The following OGFOD2 variants were observed in gnomAD, a reference collection of about 807,000 sequenced individuals.
The protein encoded by OGFOD2 is 2-oxoglutarate and iron dependent oxygenase domain containing 2.
OGFOD2 carries 34 observed loss-of-function variants against 31.1 expected under a neutral mutation model. The observed-to-expected ratio is 1.09, with a 90% confidence interval of 0.83 to 1.45. The LOEUF (loss-of-function observed/expected upper bound fraction) is 1.45, where lower values mean the gene tolerates loss of function less well. OGFOD2 is among the 40% of genes most tolerant of loss of function. The pLI, the probability that OGFOD2 is intolerant of heterozygous loss-of-function variation, is 0.00. For missense variants in OGFOD2, 537 were observed against 433.9 expected (o/e 1.24, Z -2.11); for synonymous variants, 240 against 192.3 (o/e 1.25, Z -2.05).
exon 4 of OGFOD2, chr12:122,976,917 T>C: frequency 1.2e-6 from 2 of 1,613,534 alleles, no homozygotes; most frequent in Non-Finnish European, 1.7e-6. Flanking sequence ...GAGTACAGCG[T>C]GTCCCCAGAC....
chr12:122,978,382 G>A, intron 4 of OGFOD2, 60 bp from the exon 5 acceptor site: 2 of 1,599,020 alleles, frequency 1.3e-6, no homozygotes, highest in South Asian at 1.1e-5. Context: ...GAAGACTGAA[G>A]CCCAGGCCTG....
rs948841252 is a variant in OGFOD2 at position 122,977,444 on chromosome 12, C to T, written c.403+474C>T. On this transcript the variant is annotated intron_variant, in intron 4 of 6. Transcript: ENST00000228922. ...AAACTCCAAGTAGGGCAAAAAATGCCCCACTTCTCTTCGGATTTCTTGCTG... is the reference window on the plus strand; with the variant it reads ...AAACTCCAAGTAGGGCAAAAAATGCTCCACTTCTCTTCGGATTTCTTGCTG... 3.4e-5 allele frequency: 7 copies of T among 208,808 alleles called. No individual in the cohort carries two copies. In the East Asian group the frequency reaches 3.9e-4, roughly 12 times the overall value. 12.9% of individuals were successfully genotyped at this position (208,808 alleles called of 1,614,324 possible). A position where few individuals can be genotyped will look rare whatever the true frequency, so the allele number is the denominator to read the frequency against.
chr12:122,978,269 G>T, intron 4 of OGFOD2, 173 bp from the exon 5 acceptor site: 1 of 723,452 alleles, frequency 1.4e-6, no homozygotes, highest in South Asian at 1.8e-5. Flanking sequence ...TAAGTGGGGG[G>T]CATGGGAATC....
At chr12:122,978,319 C>G (rs1167565659) in intron 4 of OGFOD2, 123 bp from the exon 5 acceptor site, 10 of 1,244,136 alleles carry the variant, frequency 8.0e-6, no homozygotes, top group Non-Finnish European at 7.8e-6. Context: ...TAAGTCATCA[C>G]AATAGCCCTG....
chr12:122,975,602 A>C (rs2037395214), intron 1 of OGFOD2: 1 of 599,864 alleles, frequency 1.7e-6, no homozygotes, highest in Admixed American at 2.8e-5. Flanking sequence ...TAGGGTGCTT[A>C]GGACAGGGCC....
intron 5 of OGFOD2, 79 bp downstream of exon 5, chr12:122,978,648 G>A (rs559745310): frequency 1.3e-6 from 2 of 1,590,436 alleles, no homozygotes; most frequent in South Asian, 1.1e-5. Context: ...CAGATGGGCT[G>A]CCTGCCCGGG....
intron 4 of OGFOD2, 154 bp downstream of exon 4, chr12:122,977,124 C>T: frequency 1.4e-6 from 1 of 710,240 alleles, no homozygotes; most frequent in East Asian, 2.7e-5. Flanking sequence ...CTGCCAGGAG[C>T]AGGACATCCG....
At chr12:122,979,449 C>G (rs1282957450) in exon 7 of OGFOD2, 1 of 1,368,262 alleles carries the variant, frequency 7.3e-7, no homozygotes, top group Non-Finnish European at 9.7e-7. Flanking sequence ...CTTCTTGGCT[C>G]AACGGTGTGC....
intron 4 of OGFOD2, chr12:122,977,522 G>A (rs564160867): frequency 4.5e-5 from 9 of 199,838 alleles, no homozygotes; most frequent in South Asian, 3.1e-4. Flanking sequence ...GGAGGTTTGC[G>A]TGTTGTTTAA....
At chr12:122,977,194 C>G (rs1484556470) in intron 4 of OGFOD2, 1 of 581,520 alleles carries the variant, frequency 1.7e-6, no homozygotes, top group Non-Finnish European at 3.2e-6. Flanking sequence ...TTCACCCTTC[C>G]TTCGTGCCCT....
chr12:122,977,152 C>G (rs1302178566), intron 4 of OGFOD2, 182 bp downstream of exon 4: 1 of 667,756 alleles, frequency 1.5e-6, no homozygotes, highest in Non-Finnish European at 2.7e-6. Context: ...TCATTCAATA[C>G]CTGCCATGAG....
exon 6 of OGFOD2, chr12:122,978,956 G>C: frequency 6.2e-7 from 1 of 1,613,322 alleles, no homozygotes; most frequent in Non-Finnish European, 8.5e-7. Flanking sequence ...CCCTCAATGT[G>C]GCCTTGGGCA....
intron 4 of OGFOD2, 200 bp from the exon 5 acceptor site, chr12:122,978,242 G>A: frequency 1.7e-6 from 1 of 601,418 alleles, no homozygotes; most frequent in Non-Finnish European, 2.8e-6. Flanking sequence ...GTAGAGTCTG[G>A]GGAAAGGTTC....
Position 122,976,772 on chromosome 12 carries a change from C to T in OGFOD2, c.303+5C>T. The T allele has an allele frequency of 1.9e-6, 3 of 1,610,202 alleles. No individual in the cohort carries two copies. Among genetic ancestry groups the T allele is most frequent in the Non-Finnish European group, 2.5e-6 (3 of 1,176,974 alleles). On this transcript the variant is annotated splice_donor_5th_base_variant and intron_variant, in intron 3 of 6. Transcript: ENST00000228922. ...GAGGTCTACGACTCACTGCAGGTAC[C>T]AGCCAGCCAGAGTGCTTGAAGGCCG... is the stretch of plus-strand genomic sequence containing the variant.
At chr12:122,978,962 G>A in exon 6 of OGFOD2, 2 of 1,613,260 alleles carry the variant, frequency 1.2e-6, no homozygotes, top group African/African-American at 1.3e-5. Flanking sequence ...ATGTGGCCTT[G>A]GGCAAGGTCT....
At chr12:122,978,314 C>T in intron 4 of OGFOD2, 128 bp from the exon 5 acceptor site, 1 of 1,177,060 alleles carries the variant, frequency 8.5e-7, no homozygotes. Context: ...TTCCTTAAGT[C>T]ATCACAATAG....
At chr12:122,976,416 T>C in intron 2 of OGFOD2, 1 of 1,613,258 alleles carries the variant, frequency 6.2e-7, no homozygotes, top group Non-Finnish European at 8.5e-7. Flanking sequence ...ATCTAGGGGT[T>C]CTCATCCCAG....
At chr12:122,977,577 C>T (rs777243866) in intron 4 of OGFOD2, 1 of 185,162 alleles carries the variant, frequency 5.4e-6, no homozygotes, top group African/African-American at 2.4e-5. Flanking sequence ...GCAACAGTAA[C>T]CCCCTCTCTT....
chr12:122,976,004 C>A (rs1431369917), intron 2 of OGFOD2, 137 bp downstream of exon 2: 7 of 640,188 alleles, frequency 1.1e-5, no homozygotes, highest in Admixed American at 4.4e-5. Flanking sequence ...TCCTGCCCCC[C>A]ACTCATCCCT....
Sources: allele counts gnomAD v4.1 joint callset, GRCh38; gene constraint gnomAD v4.1.1; transcripts MANE v1.5; gene names NCBI Gene and HGNC (gene_info 2026-07-23, HGNC 2026-07-21).